DCC: variants seen among roughly 807,000 people sequenced by gnomAD.
The protein encoded by DCC is DCC netrin 1 receptor, also known as netrin receptor DCC.
A neutral mutation model predicts 172.5 loss-of-function variants in DCC; 58 were observed. The ratio of observed to expected loss-of-function variants is 0.34; its 90% CI spans 0.27 to 0.42. The LOEUF is 0.42. Among genes scored for constraint, DCC ranks in the 10% least tolerant of loss-of-function variants. The probability of loss-of-function intolerance (pLI) is 1.00; values close to 1 mark genes in which losing one functional copy is unlikely to be tolerated. For missense variants in DCC, 1,740 were observed against 1,791.0 expected, an observed-to-expected ratio of 0.97 and a Z score of 0.51; for synonymous variants, 709 against 644.5, an observed-to-expected ratio of 1.10 and a Z score of -1.52.
chr18:53,464,526 T>C (rs1427932557), intron 24 of DCC, among the ~76,000 whole-genome samples: 3 of 151,952 alleles, frequency 2.0e-5, no homozygotes, highest in Non-Finnish European at 4.4e-5. Context: ...CACAAAGTGT[T>C]ACTACCAAAA....
chr18:52,853,229 C>T (rs1434308259), intron 2 of DCC, among the ~76,000 whole-genome samples: 1 of 152,058 alleles, frequency 6.6e-6, no homozygotes, highest in Non-Finnish European at 1.5e-5. Context: ...TGGTCAGGTT[C>T]AGAAGTTTAG....
intron 2 of DCC, among the ~76,000 whole-genome samples, chr18:52,757,808 T>A (rs1249520713): frequency 6.6e-6 from 1 of 152,170 alleles, no homozygotes; most frequent in Non-Finnish European, 1.5e-5. Context: ...GTGATTTAAG[T>A]ACCCAAATTG....
chr18:52,937,769 C>T (rs2040402298), intron 5 of DCC, among the ~76,000 whole-genome samples: 1 of 152,216 alleles, frequency 6.6e-6, no homozygotes, highest in African/African-American at 2.4e-5. Flanking sequence ...GCATGAGTTA[C>T]CACACCCAGC....
chr18:53,433,914 C>A (rs1911786418), intron 21 of DCC, among the ~76,000 whole-genome samples: 1 of 152,110 alleles, frequency 6.6e-6, no homozygotes, highest in African/African-American at 2.4e-5. Flanking sequence ...TATCTTATTG[C>A]TTGCTAGAAA....
intron 1 of DCC, among the ~76,000 whole-genome samples, chr18:52,732,374 T>C (rs2036656180): frequency 6.6e-6 from 1 of 152,194 alleles, no homozygotes; most frequent in South Asian, 2.1e-4. Context: ...GGATTGTGTC[T>C]TATCCACGAT....
At chr18:53,446,108 A>AAAAC (rs1555672920) in intron 22 of DCC, among the ~76,000 whole-genome samples, 14 of 144,312 alleles carry the variant, frequency 9.7e-5, no homozygotes, top group African/African-American at 3.6e-4. Context: ...CAAAAAAAAA[A>AAAAC]AAAAAACAAA....
chr18:52,397,156 C>T (rs1051886736), intron 1 of DCC, among the ~76,000 whole-genome samples: 1 of 151,914 alleles, frequency 6.6e-6, no homozygotes, highest in Admixed American at 6.6e-5. Flanking sequence ...CAAACTTGTG[C>T]TTGCATCAAA....
At position 53,359,342 on chromosome 18, in the gene DCC, A is replaced by C. The variant is rs534991006; in HGVS notation, c.2359+19435A>C. Among the ~76,000 whole-genome samples the C allele has an allele frequency of 1.1e-4, 16 of 152,272 alleles. 1 individual carries two copies. Among genetic ancestry groups the C allele is most frequent in the South Asian group, 6.2e-4 (3 of 4,822 alleles). On this transcript the variant is annotated intron_variant, in intron 15 of 28. Coordinates refer to ENST00000442544, the MANE Select transcript of DCC (RefSeq NM_005215.4). The stretch of plus-strand genomic sequence containing the variant: ...GGACTTGCGTGCAAGTCATTAATTA[A>C]GCTAGTTAGACTTACCTGTCACCTA...
intron 2 of DCC, among the ~76,000 whole-genome samples, chr18:52,803,916 T>C (rs915382206): frequency 5.3e-5 from 8 of 152,150 alleles, no homozygotes; most frequent in Non-Finnish European, 7.3e-5. Flanking sequence ...TCCTCATTTT[T>C]ACATATGTGA....
chr18:53,357,623 TAAG>T (rs1443104078), intron 15 of DCC, among the ~76,000 whole-genome samples: 1 of 152,316 alleles, frequency 6.6e-6, no homozygotes, highest in Admixed American at 6.5e-5. Context: ...TGAAGCAGTT[TAAG>T]AAGAATTATG....
At chr18:53,047,428 CATATATATATATATATATATATAT>C (rs58797605) in intron 5 of DCC, among the ~76,000 whole-genome samples, 5 of 50,050 alleles carry the variant, frequency 1.0e-4, no homozygotes, top group Non-Finnish European at 1.6e-4. Flanking sequence ...ATATATTTTA[CATATATATATATATATATATATAT>C]ATATATATAT....
chr18:52,718,101 T>C (rs567160461), intron 1 of DCC, among the ~76,000 whole-genome samples: 4 of 152,282 alleles, frequency 2.6e-5, no homozygotes, highest in African/African-American at 9.6e-5. Context: ...CTGTTTGTCA[T>C]CTGAATGTTG....
At chr18:53,139,795 C>T (rs1194049003) in intron 7 of DCC, among the ~76,000 whole-genome samples, 2 of 152,092 alleles carry the variant, frequency 1.3e-5, no homozygotes, top group Non-Finnish European at 2.9e-5. Context: ...CTCTCCTTCT[C>T]CTGTGTGACT....
In DCC at chr18:52,813,591, G is replaced by A. The variant is rs1424855297; in HGVS notation, c.412+61217G>A. Among the ~76,000 whole-genome samples the A allele has an allele frequency of 2.0e-5, 3 of 152,042 alleles. No homozygotes were observed. In the East Asian group the frequency reaches 5.8e-4, roughly 29 times the overall value. On this transcript the variant is annotated intron_variant, in intron 2 of 28. Transcript: ENST00000442544. ...GACAATGTGTGATGGTTAATTGTGT[G>A]TGTCAGTTTGACTGGTACACAGTGT...
In DCC at chr18:52,862,581, C is replaced by T. The variant is rs183803360; in HGVS notation, c.413-43463C>T. 1.4e-3 allele frequency among the ~76,000 whole-genome samples: 207 copies of T among 152,056 alleles called. 1 individual carries two copies. The highest frequency in any genetic ancestry group is 4.8e-3 in the African/African-American group (199 of 41,476). ...GGCATGGTGGCACGTGCCTGTAGTT[C>T]CAGCTACTTGGGAGGTTGAGGCAGG... On this transcript the variant is annotated intron_variant, in intron 2 of 28. Coordinates refer to ENST00000442544, the MANE Select transcript of DCC (RefSeq NM_005215.4).
intron 2 of DCC, among the ~76,000 whole-genome samples, chr18:52,822,398 A>C (rs996511469): frequency 6.6e-6 from 1 of 152,190 alleles, no homozygotes; most frequent in Non-Finnish European, 1.5e-5. Flanking sequence ...TAATCCACCT[A>C]GTTTCAGGCC....
intron 11 of DCC, among the ~76,000 whole-genome samples, chr18:53,210,775 A>G (rs1263306750): frequency 1.3e-5 from 2 of 152,188 alleles, no homozygotes; most frequent in East Asian, 3.9e-4. Flanking sequence ...GTGTAAATAC[A>G]TTTCTTCCAA....
At chr18:53,128,436 C>A (rs938852119) in intron 7 of DCC, among the ~76,000 whole-genome samples, 1 of 152,076 alleles carries the variant, frequency 6.6e-6, no homozygotes, top group African/African-American at 2.4e-5. Flanking sequence ...TTACTCCTCT[C>A]TCTTTCCTTC....
At chr18:53,017,313 C>T (rs1256960981) in intron 5 of DCC, among the ~76,000 whole-genome samples, 1 of 152,036 alleles carries the variant, frequency 6.6e-6, no homozygotes, top group Non-Finnish European at 1.5e-5. Context: ...GATATTTTTG[C>T]GTAACAACTT....
Sources: allele counts gnomAD v4.1 joint callset (sites outside exome capture counted in the v4.1 genomes callset), GRCh38; gene constraint gnomAD v4.1.1; transcripts MANE v1.5; gene names NCBI Gene and HGNC (gene_info 2026-07-23, HGNC 2026-07-21).